Variants in AGBL1 observed in about 807,000 individuals in gnomAD.
AGBL1 encodes the protein AGBL carboxypeptidase 1.
In AGBL1, 130 loss-of-function variants were observed where a neutral mutation model predicts 118.9. That is an observed-to-expected ratio of 1.09 (90% CI 0.95 to 1.26). The LOEUF (loss-of-function observed/expected upper bound fraction) is 1.26, where lower values mean the gene tolerates loss of function less well. Ranked by LOEUF, AGBL1 falls within the 50% of genes most tolerant of loss-of-function variation. The pLI, the probability that AGBL1 is intolerant of heterozygous loss-of-function variation, is 0.00. For synonymous variants in AGBL1, 555 were observed against 478.9 expected (o/e 1.16, Z -2.08); for missense variants, 1,584 against 1,298.1 (o/e 1.22, Z -3.38).
At chr15:86,964,321 G>A (rs949646890) in intron 23 of AGBL1, among the ~76,000 whole-genome samples, 1 of 151,826 alleles carries the variant, frequency 6.6e-6, no homozygotes, top group African/African-American at 2.4e-5. Context: ...CTTTGTTGTG[G>A]AGGGTTATGC....
chr15:86,142,122 G>A (rs551421646), intron 2 of AGBL1, 55 bp downstream of exon 2: 1 of 1,527,138 alleles, frequency 6.5e-7, no homozygotes, highest in East Asian at 2.4e-5. Context: ...CCTGCTGGCT[G>A]TGATCTCTCC....
At chr15:86,136,248 T>C (rs2076887257) in intron 1 of AGBL1, among the ~76,000 whole-genome samples, 1 of 152,238 alleles carries the variant, frequency 6.6e-6, no homozygotes, top group African/African-American at 2.4e-5. Context: ...TGGGATAGTT[T>C]GTTACCCCCA....
intron 18 of AGBL1, among the ~76,000 whole-genome samples, chr15:86,436,587 A>G (rs1015586837): frequency 6.6e-6 from 1 of 152,204 alleles, no homozygotes; most frequent in Admixed American, 6.5e-5. Context: ...TGTGCTAAGC[A>G]TTGTAAATAG....
At chr15:87,005,479 A>T (rs2081488761) in intron 24 of AGBL1, among the ~76,000 whole-genome samples, 1 of 152,158 alleles carries the variant, frequency 6.6e-6, no homozygotes, top group Admixed American at 6.5e-5. Flanking sequence ...CAGTTGATCG[A>T]ATTGGCTACT....
chr15:86,392,941 G>A (rs1255105581), intron 17 of AGBL1, among the ~76,000 whole-genome samples: 2 of 152,186 alleles, frequency 1.3e-5, no homozygotes, highest in Non-Finnish European at 2.9e-5. Flanking sequence ...CACATGGTAT[G>A]TGTGGTGCAT....
At chr15:86,819,922 T>C (rs1229359820) in intron 22 of AGBL1, among the ~76,000 whole-genome samples, 5 of 152,156 alleles carry the variant, frequency 3.3e-5, no homozygotes, top group African/African-American at 1.2e-4. Context: ...CAAAACAGCA[T>C]GGTACTGGTA....
intron 21 of AGBL1, among the ~76,000 whole-genome samples, chr15:86,655,769 C>T (rs1567106402): frequency 6.6e-6 from 1 of 152,092 alleles, no homozygotes; most frequent in Non-Finnish European, 1.5e-5. Flanking sequence ...AGAAAGTGTA[C>T]AATTTGGATA....
intron 17 of AGBL1, chr15:86,317,077 A>G (rs537132036): frequency 2.6e-5 from 4 of 152,364 alleles, no homozygotes; most frequent in African/African-American, 9.6e-5. Flanking sequence ...ATTTATAAAC[A>G]TGCAATTTGG....
intron 5 of AGBL1, among the ~76,000 whole-genome samples, chr15:86,222,336 C>G (rs1280440057): frequency 6.6e-6 from 1 of 152,128 alleles, no homozygotes; most frequent in Admixed American, 6.5e-5. Context: ...ATTATTTTGT[C>G]TAAACACTGC....
chr15:86,456,015 A>G (rs1437186053), intron 18 of AGBL1, among the ~76,000 whole-genome samples: 1 of 152,150 alleles, frequency 6.6e-6, no homozygotes, highest in Non-Finnish European at 1.5e-5. Flanking sequence ...TCATTCAGTG[A>G]TATCCTCACC....
intron 18 of AGBL1, among the ~76,000 whole-genome samples, chr15:86,473,965 G>T (rs1023178771): frequency 1.4e-4 from 21 of 152,212 alleles, no homozygotes; most frequent in African/African-American, 4.6e-4. Context: ...TAGATGACTG[G>T]TCTGAATTTC....
intron 21 of AGBL1, among the ~76,000 whole-genome samples, chr15:86,655,328 C>G (rs376183579): frequency 5.9e-5 from 9 of 152,154 alleles, no homozygotes; most frequent in East Asian, 1.9e-4. Context: ...AAAATAGAAA[C>G]TGAACTAGCC....
At position 86,669,262 on chromosome 15, in the gene AGBL1, G is replaced by A. The variant is rs558704470; in HGVS notation, c.2995-5011G>A. Among the ~76,000 whole-genome samples, 86 of 152,220 alleles carry A rather than the reference G, an allele frequency of 5.6e-4. 1 individual carries two copies. Among genetic ancestry groups the A allele is most frequent in the African/African-American group, 1.8e-3 (76 of 41,558 alleles). ...TAATATAAAATAACCATGGTTATATGTTTTTCAGAAATGGTTTTGAGATGA... is the reference window on the plus strand; with the variant it reads ...TAATATAAAATAACCATGGTTATATATTTTTCAGAAATGGTTTTGAGATGA... On this transcript the variant is annotated intron_variant, in intron 21 of 22. Coordinates refer to ENST00000614907, the MANE Select transcript of AGBL1 (RefSeq NM_001386094.1).
chr15:86,156,794 C>CTTTTTTTTTTTTTTTTTT (rs773611214), intron 4 of AGBL1, among the ~76,000 whole-genome samples: 1 of 105,560 alleles, frequency 9.5e-6, no homozygotes, highest in Non-Finnish European at 2.0e-5. Context: ...TCTTTTCTTT[C>CTTTTTTTTTTTTTTTTTT]TTTTTTTTTT....
At chr15:86,991,749 G>C (rs150382198) in intron 24 of AGBL1, among the ~76,000 whole-genome samples, 7 of 152,212 alleles carry the variant, frequency 4.6e-5, no homozygotes, top group African/African-American at 1.4e-4. Flanking sequence ...GTAGCACTGC[G>C]TATGGTTTCC....
At chr15:86,965,220 A>G (rs1270700648) in intron 23 of AGBL1, among the ~76,000 whole-genome samples, 2 of 152,084 alleles carry the variant, frequency 1.3e-5, no homozygotes, top group African/African-American at 4.8e-5. Flanking sequence ...CTCTTCCACA[A>G]TGGTTGAACT....
In AGBL1 at chr15:86,148,563, G is replaced by A. The variant is rs573475512; in HGVS notation, c.262+4718G>A. Among the ~76,000 whole-genome samples, 3 of 152,172 alleles carry A rather than the reference G, an allele frequency of 2.0e-5. No homozygotes were observed. The East Asian group carries it at 5.8e-4, about 29-fold the overall frequency. On this transcript the variant is annotated intron_variant, in intron 3 of 22. Coordinates refer to ENST00000614907, the MANE Select transcript of AGBL1 (RefSeq NM_001386094.1). ...TCAAATTAATGAAATAAAGTGAGAAGACAAGGTTAGAGAAAAAAGAGTAAA... is the reference window on the plus strand; with the variant it reads ...TCAAATTAATGAAATAAAGTGAGAAAACAAGGTTAGAGAAAAAAGAGTAAA...
In AGBL1 at chr15:86,113,100, C is replaced by A. The variant is rs370971538; in HGVS notation, c.52-28904C>A. ...AATGGTGAGTCTATCAGCAATGGGA[C>A]TGGGGCAGATTTTAGCTTTCCTGCT... On this transcript the variant is annotated intron_variant, in intron 1 of 22. Coordinates refer to ENST00000614907, the MANE Select transcript of AGBL1 (RefSeq NM_001386094.1). Among the ~76,000 whole-genome samples the A allele has an allele frequency of 2.0e-5, 3 of 152,258 alleles. No homozygotes were observed. The South Asian group carries it at 6.2e-4, about 32-fold the overall frequency.
intron 1 of AGBL1, among the ~76,000 whole-genome samples, chr15:86,091,441 A>C (rs1228426973): frequency 6.6e-6 from 1 of 152,228 alleles, no homozygotes; most frequent in Non-Finnish European, 1.5e-5. Flanking sequence ...CTCTTGGGGA[A>C]GATCAGAACA....
Sources: gnomAD v4.1 joint callset for allele counts (sites outside exome capture counted in the v4.1 genomes callset) on GRCh38, gnomAD v4.1.1 for gene constraint, MANE v1.5 for transcripts, NCBI Gene and HGNC (gene_info 2026-07-23, HGNC 2026-07-21) for gene names.